Variants in SYNE1 observed in about 807,000 individuals in gnomAD.
SYNE1 encodes spectrin repeat containing nuclear envelope protein 1.
SYNE1 carries 616 observed loss-of-function variants against 1,111.0 expected under a neutral mutation model. That is an observed-to-expected ratio of 0.55 (90% confidence interval 0.52 to 0.59). SYNE1 has a LOEUF of 0.59. SYNE1 is among the 20% of genes least tolerant of loss of function. The pLI is 0.00. For synonymous variants in SYNE1, 3,855 were observed against 3,825.8 expected (o/e 1.01, Z -0.28); for missense variants, 10,006 against 10,417.0 (o/e 0.96, Z 1.72).
chr6:152,378,255 A>T (rs1214564440), intron 56 of SYNE1, among the ~76,000 whole-genome samples: 1 of 152,194 alleles, frequency 6.6e-6, no homozygotes, highest in African/African-American at 2.4e-5. Flanking sequence ...ATGAGTAACT[A>T]CTCAAATAGC....
chr6:152,192,390 T>C (rs2635452), intron 127 of SYNE1, among the ~76,000 whole-genome samples: 58,606 of 151,826 alleles, frequency 0.39, 11,407 homozygotes, highest in African/African-American at 0.45. Flanking sequence ...TGTCTCTCTT[T>C]AGCTCCAATA....
At chr6:152,286,747 C>A (rs1423172723) in intron 95 of SYNE1, among the ~76,000 whole-genome samples, 1 of 152,168 alleles carries the variant, frequency 6.6e-6, no homozygotes, top group Non-Finnish European at 1.5e-5. Flanking sequence ...TCTGTTCCCA[C>A]TTTGAGGCAT....
intron 6 of SYNE1, among the ~76,000 whole-genome samples, chr6:152,512,345 T>A (rs1245274040): frequency 1.3e-5 from 2 of 152,154 alleles, no homozygotes; most frequent in African/African-American, 2.4e-5. Context: ...TCAATCAGTA[T>A]AAGACGTTTA....
chr6:152,206,134 G>A, intron 126 of SYNE1, 34 bp downstream of exon 126: 1 of 1,605,940 alleles, frequency 6.2e-7, no homozygotes, highest in Non-Finnish European at 8.5e-7. Flanking sequence ...GACTAAAAGG[G>A]TTTTTTGGTT....
intron 11 of SYNE1, 110 bp from the exon 12 acceptor site, chr6:152,488,613 G>T: frequency 1.5e-6 from 1 of 670,678 alleles, no homozygotes; most frequent in Non-Finnish European, 2.5e-6. Context: ...AGTCCCAACT[G>T]TCTCTGAAAA....
intron 8 of SYNE1, among the ~76,000 whole-genome samples, chr6:152,507,501 T>C (rs1175937064): frequency 6.6e-6 from 1 of 152,128 alleles, no homozygotes; most frequent in Non-Finnish European, 1.5e-5. Flanking sequence ...TGTTTCCTAT[T>C]GTAACAGTTA....
intron 4 of SYNE1, among the ~76,000 whole-genome samples, chr6:152,535,479 C>T (rs1396881692): frequency 3.3e-5 from 5 of 152,088 alleles, no homozygotes; most frequent in African/African-American, 1.2e-4. Context: ...AAGGACTGCT[C>T]ATTCTATATT....
In SYNE1 at chr6:152,122,389, G is replaced by A. The variant is rs549219758; in HGVS notation, c.*47C>T. 3.3e-5 allele frequency: 54 copies of A among 1,613,434 alleles called. No homozygotes were observed. The East Asian group carries it at 6.0e-4, about 18-fold the overall frequency. On this transcript the variant is annotated 3_prime_UTR_variant, in exon 146 of 146. Coordinates refer to ENST00000367255, the MANE Select transcript of SYNE1 (RefSeq NM_182961.4). ...GGTAGTTTGGGATTGCTTATGACCC[G>A]ATCCTCCTTATGCTACCAGCACTTC... is the stretch of plus-strand genomic sequence containing the variant.
intron 41 of SYNE1, among the ~76,000 whole-genome samples, chr6:152,415,147 C>T (rs2098132256): frequency 6.6e-6 from 1 of 151,964 alleles, no homozygotes; most frequent in African/African-American, 2.4e-5. Flanking sequence ...GCAAGTGGCC[C>T]TGAAAACAGG....
chr6:152,348,843 G>C (rs2096688281), intron 72 of SYNE1, among the ~76,000 whole-genome samples: 1 of 151,660 alleles, frequency 6.6e-6, no homozygotes, highest in Non-Finnish European at 1.5e-5. Context: ...AGGAAACCTG[G>C]GTGGCCCTTC....
intron 71 of SYNE1, 22 bp downstream of exon 71, chr6:152,350,596 G>A (rs375707681): frequency 2.6e-5 from 42 of 1,613,918 alleles, no homozygotes; most frequent in Admixed American, 6.7e-5. Context: ...ACCCTTTTAC[G>A]GAGTCTTTCA....
At chr6:152,635,154 T>A (rs2758804) in intron 2 of SYNE1, among the ~76,000 whole-genome samples, 112,597 of 152,152 alleles carry the variant, frequency 0.74, 41,765 homozygotes, top group East Asian at 0.81. Flanking sequence ...TCCAATCTCC[T>A]CTCCCTGGCA....
In SYNE1 at chr6:152,361,104, G is replaced by T. The variant is rs145890767; in HGVS notation, c.10299+1066C>A. On this transcript the variant is annotated intron_variant, in intron 64 of 145. Coordinates refer to ENST00000367255, the MANE Select transcript of SYNE1 (RefSeq NM_182961.4). ...CATTCAGAAAGATAAGTAGGAGGTTGCCAGGGGCAGAGACAGAGCAAGGAC... is the reference window on the plus strand; with the variant it reads ...CATTCAGAAAGATAAGTAGGAGGTTTCCAGGGGCAGAGACAGAGCAAGGAC... 2.3e-3 allele frequency among the ~76,000 whole-genome samples: 344 copies of T among 152,320 alleles called. 3 individuals carry two copies. Among genetic ancestry groups the T allele is most frequent in the African/African-American group, 7.9e-3 (327 of 41,566 alleles).
Position 152,151,542 on chromosome 6 carries a change from T to C in SYNE1, c.24450+11A>G, listed in dbSNP as rs201710434. 5.6e-6 allele frequency: 9 copies of C among 1,613,576 alleles called. No individual in the cohort carries two copies. The highest frequency in any genetic ancestry group is 6.8e-6 in the Non-Finnish European group (8 of 1,179,950). ...TTCTTCACTTTGGTAACTTGAAAAA[T>C]AATCTATTACCTTGAGTTGCTTTAT... On this transcript the variant is annotated intron_variant, in intron 135 of 145. Transcript: ENST00000367255.
intron 123 of SYNE1, 93 bp downstream of exon 123, chr6:152,213,519 G>C (rs1265538094): frequency 1.4e-6 from 2 of 1,387,466 alleles, no homozygotes; most frequent in African/African-American, 1.4e-5. Flanking sequence ...TCGTGCAAAG[G>C]GCATGATTTT....
At chr6:152,237,153 G>C (rs1181437124) in intron 108 of SYNE1, among the ~76,000 whole-genome samples, 2 of 152,076 alleles carry the variant, frequency 1.3e-5, no homozygotes, top group African/African-American at 4.8e-5. Context: ...ATGGGCTCTG[G>C]AATCTGCCAC....
chr6:152,520,082 CA>C (rs1477335591), intron 6 of SYNE1, among the ~76,000 whole-genome samples: 5 of 152,076 alleles, frequency 3.3e-5, no homozygotes, highest in African/African-American at 1.2e-4. Flanking sequence ...ATGGAAGACA[CA>C]ACTAAATGTA....
chr6:152,341,829 A>G (rs182511709), intron 74 of SYNE1, among the ~76,000 whole-genome samples: 6 of 152,352 alleles, frequency 3.9e-5, no homozygotes, highest in Admixed American at 3.9e-4. Flanking sequence ...TGCTATAACA[A>G]AGCTGCATAT....
chr6:152,442,005 T>G, intron 31 of SYNE1, 70 bp downstream of exon 31: 1 of 1,583,880 alleles, frequency 6.3e-7, no homozygotes, highest in Non-Finnish European at 8.7e-7. Flanking sequence ...CGCCTTGGTG[T>G]TATGAGGCAC....
Sources: gnomAD v4.1 joint callset for allele counts (sites outside exome capture counted in the v4.1 genomes callset) on GRCh38, gnomAD v4.1.1 for gene constraint, MANE v1.5 for transcripts, NCBI Gene and HGNC (gene_info 2026-07-23, HGNC 2026-07-21) for gene names.